The following HMGB1 variants were observed in gnomAD, a reference collection of about 807,000 sequenced individuals.
HMGB1 encodes the protein high mobility group protein B1.
For missense variants in HMGB1, 79 were observed against 253.5 expected (o/e 0.31, Z 4.67); for synonymous variants, 81 against 84.0 (o/e 0.96, Z 0.19).
At chr13:30,476,841 G>C (rs183819323) in intron 1 of HMGB1, among the ~76,000 whole-genome samples, 1 of 150,074 alleles carries the variant, frequency 6.7e-6, no homozygotes, top group South Asian at 2.2e-4. Context: ...GCTCCAGCCT[G>C]GGCAAAAGAG....
intron 1 of HMGB1, among the ~76,000 whole-genome samples, chr13:30,578,365 G>GTTTTTTTTTTT (rs1475312645): frequency 1.5e-5 from 1 of 67,074 alleles, no homozygotes; most frequent in Non-Finnish European, 3.0e-5. Flanking sequence ...ACCAGTTCTT[G>GTTTTTTTTTTT]TTCTTTTTTT....
chr13:30,574,683 T>C (rs1346477658), intron 1 of HMGB1, among the ~76,000 whole-genome samples: 1 of 152,184 alleles, frequency 6.6e-6, no homozygotes, highest in African/African-American at 2.4e-5. Flanking sequence ...CCTTCAGTGG[T>C]AAGAATTCTC....
intron 1 of HMGB1, chr13:30,464,558 C>CGCCCGGCAG (rs1886595506): frequency 4.1e-6 from 4 of 984,598 alleles, no homozygotes; most frequent in East Asian, 1.1e-4. Flanking sequence ...CCGCCACGTG[C>CGCCCGGCAG]GCCCGGCAGG....
chr13:30,462,262 A>C (rs955233514), intron 4 of HMGB1: 12 of 443,856 alleles, frequency 2.7e-5, no homozygotes, highest in Middle Eastern at 6.9e-4. Context: ...CTCATTTTTG[A>C]CTTGAAGTGA....
At chr13:30,500,394 G>C (rs545467671) in intron 1 of HMGB1, among the ~76,000 whole-genome samples, 1 of 152,240 alleles carries the variant, frequency 6.6e-6, no homozygotes, top group African/African-American at 2.4e-5. Flanking sequence ...TTGAGAGACA[G>C]GGTCCCATTC....
intron 1 of HMGB1, among the ~76,000 whole-genome samples, chr13:30,572,310 C>T (rs1356034203): frequency 1.3e-5 from 2 of 152,110 alleles, no homozygotes; most frequent in East Asian, 3.8e-4. Flanking sequence ...TCTCAGAGAC[C>T]GTTCAGTTAC....
In HMGB1 at chr13:30,458,312, A is replaced by C. The variant is rs1387510449; in HGVS notation, c.*3045T>G. ...GCAGTACCCATGTATTTCATTCAAA[A>C]ACCAGTTGTCTCTCCTGTGTTTTTT... On this transcript the variant is annotated 3_prime_UTR_variant, in exon 5 of 5. Transcript: ENST00000341423. 1 of 149,274 alleles carries C rather than the reference A, an allele frequency of 6.7e-6. No individual in the cohort carries two copies. Among genetic ancestry groups the C allele is most frequent in the Non-Finnish European group, 1.5e-5 (1 of 67,900 alleles). 9.2% of individuals were successfully genotyped at this position (149,274 alleles called of 1,614,324 possible). A position where few individuals can be genotyped will look rare whatever the true frequency, so the allele number is the denominator to read the frequency against.
intron 1 of HMGB1, among the ~76,000 whole-genome samples, chr13:30,587,947 T>C (rs192830815): frequency 7.2e-5 from 11 of 152,348 alleles, no homozygotes; most frequent in African/African-American, 2.6e-4. Flanking sequence ...AGTGTGAGAA[T>C]GGAAGGCTCT....
intron 1 of HMGB1, among the ~76,000 whole-genome samples, chr13:30,497,445 G>GTTTTTTT (rs386378693): frequency 4.7e-5 from 7 of 147,678 alleles, no homozygotes; most frequent in Non-Finnish European, 6.0e-5. Context: ...TGGCCAGGCT[G>GTTTTTTT]TTTTTTTTTT....
chr13:30,578,131 CCCTTTGCTT>C (rs2137539923), intron 1 of HMGB1, among the ~76,000 whole-genome samples: 2 of 152,044 alleles, frequency 1.3e-5, no homozygotes, highest in Admixed American at 1.3e-4. Context: ...AACGTCCTTG[CCCTTTGCTT>C]CCCTTGGCCA....
chr13:30,521,941 G>A (rs2137475428), intron 1 of HMGB1, among the ~76,000 whole-genome samples: 1 of 152,080 alleles, frequency 6.6e-6, no homozygotes, highest in Middle Eastern at 3.4e-3. Context: ...ACTCATTATG[G>A]CATTGCACTT....
chr13:30,532,109 C>A (rs1466999146), intron 1 of HMGB1, among the ~76,000 whole-genome samples: 1 of 151,766 alleles, frequency 6.6e-6, no homozygotes, highest in Admixed American at 6.6e-5. Context: ...GAGGCCGAGG[C>A]GAGCAGATCA....
At chr13:30,615,991 T>C (rs1468315089) in intron 1 of HMGB1, among the ~76,000 whole-genome samples, 1 of 152,244 alleles carries the variant, frequency 6.6e-6, no homozygotes, top group Non-Finnish European at 1.5e-5. Context: ...TGGAAGGTAC[T>C]GCACTCTCTC....
intron 1 of HMGB1, among the ~76,000 whole-genome samples, chr13:30,573,602 A>G (rs1438090219): frequency 6.6e-6 from 1 of 152,206 alleles, no homozygotes; most frequent in African/African-American, 2.4e-5. Flanking sequence ...AAGTGACCAA[A>G]TAAATACTGG....
At chr13:30,603,971 G>T (rs1037376935) in intron 1 of HMGB1, among the ~76,000 whole-genome samples, 1 of 152,160 alleles carries the variant, frequency 6.6e-6, no homozygotes, top group African/African-American at 2.4e-5. Flanking sequence ...TGGATACCAA[G>T]GAACGACTGT....
intron 1 of HMGB1, among the ~76,000 whole-genome samples, chr13:30,608,377 A>C (rs1339573667): frequency 6.6e-6 from 1 of 152,218 alleles, no homozygotes. Context: ...TTAGGTACTA[A>C]AAATCACAGC....
At chr13:30,519,563 G>A (rs1343513781) in intron 1 of HMGB1, among the ~76,000 whole-genome samples, 7 of 150,750 alleles carry the variant, frequency 4.6e-5, no homozygotes, top group East Asian at 1.9e-4. Flanking sequence ...AGCCAGGCGT[G>A]GTGGCGGGCG....
chr13:30,553,969 C>A (rs995340666), intron 1 of HMGB1: 1 of 1,485,200 alleles, frequency 6.7e-7, no homozygotes, highest in East Asian at 2.3e-5. Flanking sequence ...TTCTGGCTTA[C>A]GGTTTGGCAG....
At chr13:30,586,861 C>T (rs781172829) in intron 1 of HMGB1, among the ~76,000 whole-genome samples, 6 of 152,078 alleles carry the variant, frequency 3.9e-5, no homozygotes, top group Non-Finnish European at 8.8e-5. Context: ...AAATAAACCT[C>T]GTGACTTTCC....
Sources: allele counts gnomAD v4.1 joint callset (sites outside exome capture counted in the v4.1 genomes callset), GRCh38; gene constraint gnomAD v4.1.1; transcripts MANE v1.5; gene names NCBI Gene and HGNC (gene_info 2026-07-23, HGNC 2026-07-21).